The following HS3ST4 variants were observed in gnomAD, a reference collection of about 807,000 sequenced individuals.
HS3ST4 encodes the protein heparan sulfate glucosamine 3-O-sulfotransferase 4.
A neutral mutation model predicts 29.2 loss-of-function variants in HS3ST4; 17 were observed. That is an observed-to-expected ratio of 0.58 (90% CI 0.40 to 0.87). The LOEUF is 0.87. Ranked by LOEUF, HS3ST4 falls within the 40% of genes least tolerant of loss-of-function variation. The probability of loss-of-function intolerance (pLI) is 0.00; values close to 1 mark genes in which losing one functional copy is unlikely to be tolerated. For synonymous variants in HS3ST4, 314 were observed against 285.7 expected, an observed-to-expected ratio of 1.10 and a Z score of -1.00; for missense variants, 627 against 634.5, an observed-to-expected ratio of 0.99 and a Z score of 0.13.
intron 1 of HS3ST4, among the ~76,000 whole-genome samples, chr16:25,909,717 C>CA (rs1968216813): frequency 6.6e-6 from 1 of 152,198 alleles, no homozygotes; most frequent in African/African-American, 2.4e-5. Context: ...ACACTGCCAA[C>CA]TAGTCTTTAT....
intron 1 of HS3ST4, among the ~76,000 whole-genome samples, chr16:25,793,500 C>T (rs565648063): frequency 1.3e-5 from 2 of 152,004 alleles, no homozygotes; most frequent in African/African-American, 4.8e-5. Context: ...TTGTATCTTC[C>T]AGAAGGAATG....
chr16:26,041,882 T>C (rs1315156880), intron 1 of HS3ST4, among the ~76,000 whole-genome samples: 1 of 152,178 alleles, frequency 6.6e-6, no homozygotes, highest in African/African-American at 2.4e-5. Context: ...TCATTCTCCA[T>C]GGATGATGGC....
At position 26,032,870 on chromosome 16, in the gene HS3ST4, G is replaced by A. The variant is rs373395359; in HGVS notation, c.735-102742G>A. On this transcript the variant is annotated intron_variant, in intron 1 of 1. Coordinates refer to ENST00000331351, the MANE Select transcript of HS3ST4 (RefSeq NM_006040.3). ...CTGGACGCGGGATGCAGTGGCGCGCGGGCTTTGGTCGGTCTGGGGGTCGTT... is the reference window on the plus strand; with the variant it reads ...CTGGACGCGGGATGCAGTGGCGCGCAGGCTTTGGTCGGTCTGGGGGTCGTT... 53 of 1,526,604 alleles carry A rather than the reference G, an allele frequency of 3.5e-5. 1 individual carries two copies. The highest frequency in any genetic ancestry group is 1.6e-4 in the African/African-American group (12 of 72,818). 94.6% of individuals were successfully genotyped at this position (1,526,604 alleles called of 1,614,324 possible).
intron 1 of HS3ST4, among the ~76,000 whole-genome samples, chr16:26,125,477 C>T (rs1315137085): frequency 6.6e-6 from 1 of 152,218 alleles, no homozygotes; most frequent in African/African-American, 2.4e-5. Flanking sequence ...GCCCACTGGG[C>T]CACCACTCAC....
intron 1 of HS3ST4, among the ~76,000 whole-genome samples, chr16:25,990,555 A>G (rs1239102301): frequency 6.6e-6 from 1 of 152,398 alleles, no homozygotes; most frequent in East Asian, 1.9e-4. Flanking sequence ...CATCATGCAC[A>G]TATTCCAACA....
intron 1 of HS3ST4, among the ~76,000 whole-genome samples, chr16:26,024,026 A>G (rs897805533): frequency 2.0e-5 from 3 of 151,726 alleles, no homozygotes; most frequent in African/African-American, 7.3e-5. Flanking sequence ...GGAGTTTGAG[A>G]CCAGCCTGGC....
chr16:25,718,801 T>C (rs1378942968), intron 1 of HS3ST4, among the ~76,000 whole-genome samples: 1 of 152,174 alleles, frequency 6.6e-6, no homozygotes, highest in Non-Finnish European at 1.5e-5. Context: ...AATTTGGAAA[T>C]TATCGGCATA....
chr16:26,036,886 G>T (rs1013005106), intron 1 of HS3ST4, among the ~76,000 whole-genome samples: 2 of 152,170 alleles, frequency 1.3e-5, no homozygotes, highest in Admixed American at 6.5e-5. Context: ...GAACAAAGAG[G>T]TGCTGAGAAA....
At chr16:26,062,072 A>T (rs1473695077) in intron 1 of HS3ST4, among the ~76,000 whole-genome samples, 1 of 152,162 alleles carries the variant, frequency 6.6e-6, no homozygotes, top group African/African-American at 2.4e-5. Context: ...ATGGAGTTCT[A>T]CCTGAAGTAT....
chr16:25,873,817 C>T (rs1018593325), intron 1 of HS3ST4, among the ~76,000 whole-genome samples: 2 of 152,084 alleles, frequency 1.3e-5, no homozygotes, highest in African/African-American at 4.8e-5. Context: ...CCTATTCTTC[C>T]ATCCATGCAT....
chr16:25,747,354 G>A (rs1016663558), intron 1 of HS3ST4, among the ~76,000 whole-genome samples: 2 of 152,174 alleles, frequency 1.3e-5, no homozygotes, highest in African/African-American at 2.4e-5. Context: ...ACCGTTGGCC[G>A]TGGACAGCTC....
At chr16:25,994,620 A>G (rs1215549564) in intron 1 of HS3ST4, among the ~76,000 whole-genome samples, 1 of 152,196 alleles carries the variant, frequency 6.6e-6, no homozygotes, top group Non-Finnish European at 1.5e-5. Context: ...TGCTGAGTCT[A>G]AAGGCTCACC....
intron 1 of HS3ST4, among the ~76,000 whole-genome samples, chr16:25,828,287 TCTTTCTTTCTTTCC>T (rs1344974006): frequency 3.1e-5 from 3 of 96,194 alleles, no homozygotes; most frequent in Admixed American, 1.2e-4. Context: ...TTTCTTTCTT[TCTTTCTTTCTTTCC>T]CTCTCTCTCT....
At chr16:26,065,769 T>A (rs1898535006) in intron 1 of HS3ST4, among the ~76,000 whole-genome samples, 1 of 152,228 alleles carries the variant, frequency 6.6e-6, no homozygotes, top group Non-Finnish European at 1.5e-5. Flanking sequence ...GAGTTCTTAG[T>A]TTCTAAGCTC....
intron 1 of HS3ST4, among the ~76,000 whole-genome samples, chr16:25,930,218 T>G (rs1244030535): frequency 6.6e-6 from 1 of 152,214 alleles, no homozygotes; most frequent in Non-Finnish European, 1.5e-5. Context: ...AACATGCTTC[T>G]GGTTGTGGAA....
intron 1 of HS3ST4, among the ~76,000 whole-genome samples, chr16:25,702,215 G>A (rs1467178513): frequency 6.6e-6 from 1 of 151,974 alleles, no homozygotes; most frequent in Non-Finnish European, 1.5e-5. Flanking sequence ...TTTCCTTTTT[G>A]GAAAACCTAA....
intron 1 of HS3ST4, among the ~76,000 whole-genome samples, chr16:25,763,941 G>A (rs139542914): frequency 2.4e-3 from 373 of 152,340 alleles, no homozygotes; most frequent in African/African-American, 8.6e-3. Flanking sequence ...GTTAAAAACT[G>A]TTGTAGGTTG....
At chr16:26,081,613 T>C (rs2141782837) in intron 1 of HS3ST4, among the ~76,000 whole-genome samples, 1 of 152,212 alleles carries the variant, frequency 6.6e-6, no homozygotes, top group East Asian at 1.9e-4. Context: ...GCTCACAGGA[T>C]TGACAATGTC....
chr16:25,720,338 A>C (rs1966484229), intron 1 of HS3ST4, among the ~76,000 whole-genome samples: 1 of 152,208 alleles, frequency 6.6e-6, no homozygotes, highest in Non-Finnish European at 1.5e-5. Context: ...GCCAGATCCC[A>C]TAAGACCCCT....
Sources: gnomAD v4.1 joint callset for allele counts (sites outside exome capture counted in the v4.1 genomes callset) on GRCh38, gnomAD v4.1.1 for gene constraint, MANE v1.5 for transcripts, NCBI Gene and HGNC (gene_info 2026-07-23, HGNC 2026-07-21) for gene names.